Variants in ZFHX3 observed in about 807,000 individuals in gnomAD.
ZFHX3 encodes zinc finger homeobox 3, also known as zinc finger homeobox protein 3.
Under a neutral mutation model 279.1 loss-of-function variants are expected in ZFHX3, and 42 were observed. The observed-to-expected ratio is 0.15, with a 90% CI of 0.12 to 0.19. The LOEUF (loss-of-function observed/expected upper bound fraction) is 0.19, where lower values mean the gene tolerates loss of function less well. Among genes scored for constraint, ZFHX3 ranks in the 10% least tolerant of loss-of-function variants. The probability of loss-of-function intolerance (pLI) is 1.00; values close to 1 mark genes in which losing one functional copy is unlikely to be tolerated. For synonymous variants in ZFHX3, 2,293 were observed against 1,957.8 expected, an observed-to-expected ratio of 1.17 and a Z score of -4.52; for missense variants, 4,981 against 4,754.0, an observed-to-expected ratio of 1.05 and a Z score of -1.40.
chr16:73,245,645 T>C (rs1177782310), intron 5 of ZFHX3, among the ~76,000 whole-genome samples: 1 of 152,208 alleles, frequency 6.6e-6, no homozygotes, highest in East Asian at 1.9e-4. Context: ...CTGGGGAGGC[T>C]GTCATGGGGA....
intron 2 of ZFHX3, among the ~76,000 whole-genome samples, chr16:73,468,039 C>T (rs977396105): frequency 3.9e-5 from 6 of 152,174 alleles, no homozygotes; most frequent in Non-Finnish European, 8.8e-5. Context: ...GGAGAAGAAA[C>T]TTTAGGTGGT....
At chr16:73,875,136 A>T (rs1237846862) in intron 1 of ZFHX3, among the ~76,000 whole-genome samples, 1 of 152,228 alleles carries the variant, frequency 6.6e-6, no homozygotes, top group Non-Finnish European at 1.5e-5. Flanking sequence ...TTGTTTAAGG[A>T]GTATTTCCAA....
intron 1 of ZFHX3, among the ~76,000 whole-genome samples, chr16:72,995,780 A>T (rs928345293): frequency 1.3e-5 from 2 of 152,164 alleles, no homozygotes; most frequent in Non-Finnish European, 2.9e-5. Flanking sequence ...TCAACAAAGG[A>T]AAGCTCTGGG....
chr16:73,507,627 C>T (rs754837480), intron 2 of ZFHX3, among the ~76,000 whole-genome samples: 2 of 151,312 alleles, frequency 1.3e-5, no homozygotes, highest in Non-Finnish European at 2.9e-5. Context: ...TCCCAAGTAG[C>T]TGGGACTACA....
At chr16:73,594,272 A>G (rs2052027151) in intron 2 of ZFHX3, among the ~76,000 whole-genome samples, 1 of 152,216 alleles carries the variant, frequency 6.6e-6, no homozygotes, top group South Asian at 2.1e-4. Context: ...CATAAAATAC[A>G]TCTAGAAATA....
chr16:73,756,507 C>T (rs1411407215), intron 1 of ZFHX3, among the ~76,000 whole-genome samples: 2 of 152,096 alleles, frequency 1.3e-5, no homozygotes, highest in African/African-American at 4.8e-5. Flanking sequence ...AGGGTGTGTA[C>T]AAGACAAGAC....
intron 1 of ZFHX3, among the ~76,000 whole-genome samples, chr16:73,787,850 TGTGA>T (rs1250803376): frequency 3.5e-4 from 52 of 147,320 alleles, no homozygotes; most frequent in African/African-American, 6.6e-4. Flanking sequence ...TGTGTGTGTG[TGTGA>T]AAGAGAGAGA....
At chr16:72,992,040 C>T (rs997162993) in intron 1 of ZFHX3, among the ~76,000 whole-genome samples, 1 of 152,162 alleles carries the variant, frequency 6.6e-6, no homozygotes, top group Admixed American at 6.5e-5. Context: ...AGAAATGATG[C>T]CCTGAGTTGG....
At chr16:73,639,239 C>T (rs1271521463) in intron 2 of ZFHX3, among the ~76,000 whole-genome samples, 1 of 152,162 alleles carries the variant, frequency 6.6e-6, no homozygotes, top group Non-Finnish European at 1.5e-5. Context: ...TGCTGTGGTC[C>T]TGTCTGAATC....
At chr16:73,831,786 G>A (rs113072157) in intron 1 of ZFHX3, among the ~76,000 whole-genome samples, 2,313 of 152,302 alleles carry the variant, frequency 0.015, 63 homozygotes, top group African/African-American at 0.052. Flanking sequence ...GGGAAGGGGC[G>A]GAGGAAGTTC....
chr16:73,640,024 C>T (rs1464611838), intron 2 of ZFHX3, among the ~76,000 whole-genome samples: 6 of 152,158 alleles, frequency 3.9e-5, no homozygotes, highest in Non-Finnish European at 7.4e-5. Context: ...TGGAGCTCTA[C>T]GTTCTCTCCT....
intron 1 of ZFHX3, among the ~76,000 whole-genome samples, chr16:73,852,586 T>C (rs1049110334): frequency 1.3e-5 from 2 of 152,198 alleles, no homozygotes; most frequent in Non-Finnish European, 2.9e-5. Context: ...CATGATCTCA[T>C]CTTTGACAGA....
chr16:73,448,985 G>A (rs550939239), intron 3 of ZFHX3, among the ~76,000 whole-genome samples: 1 of 152,176 alleles, frequency 6.6e-6, no homozygotes, highest in South Asian at 2.1e-4. Context: ...AAAGAACAAG[G>A]AAGTATGTTT....
chr16:73,819,196 G>C (rs367876611), intron 1 of ZFHX3, among the ~76,000 whole-genome samples: 1 of 151,810 alleles, frequency 6.6e-6, no homozygotes, highest in Admixed American at 6.6e-5. Context: ...CAATGGCAAC[G>C]ATAGCTGAGG....
At chr16:72,947,911 C>T (rs1257751843) in intron 3 of ZFHX3, among the ~76,000 whole-genome samples, 3 of 152,188 alleles carry the variant, frequency 2.0e-5, no homozygotes, top group Non-Finnish European at 4.4e-5. Context: ...AATCAATCTC[C>T]ATTTACTACA....
rs143161787 is a variant in ZFHX3 at position 73,159,517 on chromosome 16, G to A, written c.-1103-15686C>T. 2.7e-3 allele frequency among the ~76,000 whole-genome samples: 416 copies of A among 152,174 alleles called. 1 individual carries two copies. The highest frequency in any genetic ancestry group is 0.017 in the Middle Eastern group (5 of 294). ...GAAGAAGCTTGGGGTTGCCTGCTGA[G>A]AAATAAGGAACCACTTCAGCTGACA... On this transcript the variant is annotated intron_variant, in intron 5 of 17. Transcript: ENST00000641206.
intron 4 of ZFHX3, among the ~76,000 whole-genome samples, chr16:72,882,611 G>A (rs1277153699): frequency 6.6e-6 from 1 of 152,138 alleles, no homozygotes; most frequent in Admixed American, 6.5e-5. Context: ...GACCATCCTG[G>A]TGATGCCACA....
intron 3 of ZFHX3, among the ~76,000 whole-genome samples, chr16:73,412,740 G>T (rs2017495937): frequency 6.6e-6 from 1 of 152,176 alleles, no homozygotes; most frequent in Non-Finnish European, 1.5e-5. Context: ...ACTGTTTCTG[G>T]GGGAGTATTT....
In ZFHX3 at chr16:72,787,757, C is replaced by A; in HGVS notation, c.10519G>T (p.Gly3507Cys). ...LQEMVLHVPT[G>C]GGGGGSGGGG... ...CCGCCACTGCCACCGCCGCCGCCGCCGGTGGGGACGTGAAGCACCATCTCT... is the reference window on the plus strand; with the variant it reads ...CCGCCACTGCCACCGCCGCCGCCGCAGGTGGGGACGTGAAGCACCATCTCT... The change falls in exon 10 of 10, where the codon GGC becomes TGC. Residue 3507 changes from glycine (G) to cysteine (C), a missense_variant. By Grantham distance (159) the Gly-to-Cys change is radical (BLOSUM62 -3). Around this residue, in one of 7 missense-constraint regions of ZFHX3, gnomAD observed 1,034 missense variants for 786.0 expected, o/e 1.32. Coordinates refer to ENST00000268489, the MANE Select transcript of ZFHX3 (RefSeq NM_006885.4). 7.0e-7 allele frequency: 1 copy of A among 1,424,526 alleles called. No individual in the cohort carries two copies. The highest frequency in any genetic ancestry group is 9.2e-7 in the Non-Finnish European group (1 of 1,087,126). 88.2% of individuals were successfully genotyped at this position (1,424,526 alleles called of 1,614,324 possible).
Sources: gnomAD v4.1 joint callset for allele counts (sites outside exome capture counted in the v4.1 genomes callset) on GRCh38, gnomAD v4.1.1 for gene constraint, gnomAD v4.1.1 regional missense constraint, MANE v1.5 for transcripts, NCBI Gene and HGNC (gene_info 2026-07-23, HGNC 2026-07-21) for gene names.